FLOT1: variants seen among roughly 807,000 people sequenced by gnomAD.
FLOT1 encodes the protein flotillin-1.
In FLOT1, 40 loss-of-function variants were observed where a neutral mutation model predicts 58.4. That is an observed-to-expected ratio of 0.69 (90% CI 0.53 to 0.89). FLOT1 has a LOEUF of 0.89. FLOT1 is among the 40% of genes least tolerant of loss of function. The pLI is 0.00. For missense variants in FLOT1, 423 were observed against 540.8 expected, an observed-to-expected ratio of 0.78 and a Z score of 2.16; for synonymous variants, 178 against 204.2, an observed-to-expected ratio of 0.87 and a Z score of 1.09.
At position 30,740,604 on chromosome 6, in the gene FLOT1, T is replaced by C; in HGVS notation, c.475-13A>G. On this transcript the variant is annotated splice_polypyrimidine_tract_variant and intron_variant, in intron 6 of 12. Transcript: ENST00000376389. ...AGTGCAAATAGTCCTGTGGGAGAGA[T>C]GTAGAAATTAGTCCTTTGGAGGGCT... 6.2e-7 allele frequency: 1 copy of C among 1,612,986 alleles called. No individual in the cohort carries two copies. Among genetic ancestry groups the C allele is most frequent in the Non-Finnish European group, 8.5e-7 (1 of 1,179,996 alleles).
chr6:30,732,994 A>G (rs897233851), intron 8 of FLOT1, among the ~76,000 whole-genome samples: 5 of 152,116 alleles, frequency 3.3e-5, no homozygotes, highest in African/African-American at 1.2e-4. Flanking sequence ...GAAAGAATAT[A>G]AAGACAATAT....
At chr6:30,731,970 A>C (rs999404387) in intron 8 of FLOT1, among the ~76,000 whole-genome samples, 3 of 151,660 alleles carry the variant, frequency 2.0e-5, no homozygotes, top group South Asian at 2.1e-4. Context: ...ATTTAGGCAG[A>C]TTTCTTTCTT....
Position 30,741,633 on chromosome 6 carries a change from G to A in FLOT1, c.191C>T (p.Ser64Leu), listed in dbSNP as rs1174403746. The change falls in exon 4 of 13, where the codon TCA becomes TTA. Residue 64 changes from serine (S) to leucine (L), a missense_variant. By Grantham distance (145) the Ser-to-Leu change is moderately radical. Around this residue, in one of 6 missense-constraint regions of FLOT1, gnomAD observed 91 missense variants for 118.3 expected, o/e 0.77. Transcript: ENST00000376389. This position sits in a 1 kb window ranked among gnomAD's most constrained non-coding sequence, Gnocchi z 5.9. ...KVYTRHGVPI[S>L]VTGIAQVKIQ... ...CTTCACCTGGGCAATGCCAGTGACT[G>A]AGATGGGGACCCCATGGCGAGTGTA... The A allele has an allele frequency of 6.2e-7, 1 of 1,612,464 alleles. No homozygotes were observed. Among genetic ancestry groups the A allele is most frequent in the Non-Finnish European group, 8.5e-7 (1 of 1,179,648 alleles).
Position 30,742,062 on chromosome 6 carries a change from G to T in FLOT1, c.43+85C>A. On this transcript the variant is annotated intron_variant, in intron 2 of 12. Transcript: ENST00000376389. This position sits in a 1 kb window ranked among gnomAD's most constrained non-coding sequence, Gnocchi z 5.2. ...AGGGGCAGAAGTCTGGTGCTGGGAA[G>T]TTGGTAGGGAGAGGGAGAAGGGGCA... The T allele has an allele frequency of 7.0e-7, 1 of 1,427,298 alleles. No homozygotes were observed. Among genetic ancestry groups the T allele is most frequent in the Non-Finnish European group, 9.8e-7 (1 of 1,016,328 alleles). The allele number at this position is 1,427,298 out of a possible 1,614,324, so 88.4% of individuals were successfully genotyped here.
In FLOT1 at chr6:30,728,882, C is replaced by T. The variant is rs184550405; in HGVS notation, c.1255-737G>A. On this transcript the variant is annotated intron_variant, in intron 12 of 12. Transcript: ENST00000376389. ...CTGCAAGCTCTGCCTCCCAGGTTCA[C>T]ACCATTCTCCTGCCTCAGCCTCCCC... Among the ~76,000 whole-genome samples the T allele has an allele frequency of 8.4e-4, 126 of 150,136 alleles. 2 individuals carry two copies. The highest frequency in any genetic ancestry group is 3.6e-3 in the Middle Eastern group (1 of 276).
intron 8 of FLOT1, among the ~76,000 whole-genome samples, chr6:30,739,329 T>C (rs948972561): frequency 1.3e-5 from 2 of 152,226 alleles, no homozygotes; most frequent in Admixed American, 6.5e-5. Flanking sequence ...TCCAAACATA[T>C]GATCAGCCTT....
chr6:30,735,329 A>G (rs963970143), intron 8 of FLOT1, among the ~76,000 whole-genome samples: 6 of 151,870 alleles, frequency 4.0e-5, no homozygotes, highest in Non-Finnish European at 5.9e-5. Flanking sequence ...TAGACTTCCA[A>G]TGGCAGGTAT....
intron 11 of FLOT1, 67 bp from the exon 12 acceptor site, chr6:30,730,253 C>G: frequency 6.3e-7 from 1 of 1,578,700 alleles, no homozygotes; most frequent in Admixed American, 1.7e-5. Flanking sequence ...ACAACTTACT[C>G]TGGGTTTTAA....
rs376438482 is a variant in FLOT1 at position 30,742,278 on chromosome 6, C to T, written c.-14-75G>A. ...GCGTCCACAGGGGCCCATCCTTTCC[C>T]TTTCCCGTCAGGCCCTCCCAGTCTG... On this transcript the variant is annotated intron_variant, in intron 1 of 12. Coordinates refer to ENST00000376389, the MANE Select transcript of FLOT1 (RefSeq NM_005803.4). The surrounding 1 kb of genome is among the most constrained non-coding windows in gnomAD (Gnocchi z 5.2). 78 of 1,320,842 alleles carry T rather than the reference C, an allele frequency of 5.9e-5. 1 individual carries two copies. The African/African-American group carries it at 8.8e-4, about 15-fold the overall frequency. 81.8% of individuals were successfully genotyped at this position (1,320,842 alleles called of 1,614,324 possible).
chr6:30,730,957 CGCTTCCGCTG>C lies in FLOT1; in HGVS notation c.857_866del (p.Pro286ArgfsTer9). The C allele has an allele frequency of 1.2e-6, 2 of 1,613,942 alleles. No individual in the cohort carries two copies. The highest frequency in any genetic ancestry group is 1.1e-5 in the South Asian group (1 of 91,054). ...CTAGGCGCTCCAGCTTGTAGCGCTC[CGCTTCCGCTG>C]GCTTCCGCACCCGGGCCTCCAGCTC... is the stretch of plus-strand genomic sequence containing the variant. On this transcript the variant is annotated frameshift_variant, in exon 9 of 13. Coordinates refer to ENST00000376389, the MANE Select transcript of FLOT1 (RefSeq NM_005803.4). LOFTEE classifies it high-confidence loss of function.
chr6:30,740,366 T>C lies in FLOT1; in HGVS notation c.571-56A>G, dbSNP rs141218233. The C allele has an allele frequency of 9.5e-3, 15,177 of 1,603,764 alleles. 109 individuals carry two copies. The highest frequency in any genetic ancestry group is 0.032 in the Middle Eastern group (186 of 5,876). ...CAGGGCAGGGGGAGAAAGGCCACGG[T>C]GACAGCCTGCTTCCCACCAAGGTTC... On this transcript the variant is annotated intron_variant, in intron 7 of 12. Transcript: ENST00000376389.
intron 8 of FLOT1, among the ~76,000 whole-genome samples, chr6:30,733,767 T>A (rs1260723753): frequency 1.4e-5 from 2 of 145,802 alleles, no homozygotes; most frequent in African/African-American, 5.0e-5. Flanking sequence ...AAAAGAAAGC[T>A]GGGCTTGATG....
rs1777942699 is a variant in FLOT1 at position 30,741,066 on chromosome 6, C to T, written c.354+124G>A. The T allele has an allele frequency of 7.9e-7, 1 of 1,262,054 alleles. No individual in the cohort carries two copies. The highest frequency in any genetic ancestry group is 1.5e-5 in the African/African-American group (1 of 67,242). The allele number at this position is 1,262,054 out of a possible 1,614,324, so 78.2% of individuals were successfully genotyped here. ...CATCCCAAAGTGCTGGGATTACAGG[C>T]ATGAACCACCCTGCCCGGCCGGGAT... On this transcript the variant is annotated intron_variant, in intron 5 of 12. Coordinates refer to ENST00000376389, the MANE Select transcript of FLOT1 (RefSeq NM_005803.4). The surrounding 1 kb of genome is among the most constrained non-coding windows in gnomAD (Gnocchi z 5.9).
chr6:30,741,912 T>C lies in FLOT1; in HGVS notation c.44-45A>G. 6.4e-7 allele frequency: 1 copy of C among 1,572,600 alleles called. No individual in the cohort carries two copies. The highest frequency in any genetic ancestry group is 8.7e-7 in the Non-Finnish European group (1 of 1,145,610). ...GAGGAACGGTGGCAGAGCTTGAATGTGGAAGACTGAGGAACTGGCGGGGGT... is the reference window on the plus strand; with the variant it reads ...GAGGAACGGTGGCAGAGCTTGAATGCGGAAGACTGAGGAACTGGCGGGGGT... On this transcript the variant is annotated intron_variant, in intron 2 of 12. Transcript: ENST00000376389. This position sits in a 1 kb window ranked among gnomAD's most constrained non-coding sequence, Gnocchi z 5.9.
rs1213305304 is a variant in FLOT1, at chr6:30,740,684, C to A, written c.469G>T (p.Asp157Tyr). Residue 157 changes from aspartate (D) to tyrosine (Y), a missense_variant, in exon 6 of 13, where the codon GAC becomes TAC. Asp to Tyr is a radical substitution (Grantham distance 160). Transcript: ENST00000376389. ...GATCAATTGCCTAGTTTTACCTGGT[C>A]ATCGTGAATGTCCTTCAGAGTGTAG... ...VSYTLKDIHD[D>Y]QDYLHSLGKA... 6.2e-7 allele frequency: 1 copy of A among 1,613,002 alleles called. No homozygotes were observed. The highest frequency in any genetic ancestry group is 1.1e-5 in the South Asian group (1 of 91,074).
In FLOT1 at chr6:30,727,819, AGAC is replaced by A; in HGVS notation, c.*294_*296del. The A allele has an allele frequency of 1.8e-6, 1 of 551,428 alleles. No individual in the cohort carries two copies. 34.2% of individuals were successfully genotyped at this position (551,428 alleles called of 1,614,324 possible). On this transcript the variant is annotated 3_prime_UTR_variant, in exon 13 of 13. Coordinates refer to ENST00000376389, the MANE Select transcript of FLOT1 (RefSeq NM_005803.4). ...TCAGTCTTGGTCAGGAAAATATTCT[AGAC>A]AACAGGCTCAAACAGTCTGATTTAA...
rs1439816821 is a variant in FLOT1 at position 30,742,200 on chromosome 6, G to A, written c.-11C>T. On this transcript the variant is annotated 5_prime_UTR_variant, in exon 2 of 13. Transcript: ENST00000376389. The surrounding 1 kb of genome is among the most constrained non-coding windows in gnomAD (Gnocchi z 5.2). ...ACAAGTGAAAAACATGGTTCAGGCT[G>A]GAGCTGGAGGAGAGGGAGGGAAAGC... 1 of 1,612,846 alleles carries A rather than the reference G, an allele frequency of 6.2e-7. No homozygotes were observed. Among genetic ancestry groups the A allele is most frequent in the African/African-American group, 1.3e-5 (1 of 74,918 alleles).
At chr6:30,738,212 C>A (rs1341178551) in intron 8 of FLOT1, among the ~76,000 whole-genome samples, 1 of 152,180 alleles carries the variant, frequency 6.6e-6, no homozygotes, top group African/African-American at 2.4e-5. Context: ...CCAGGGCCTG[C>A]AATTTTGTAT....
Position 30,740,178 on chromosome 6 carries a change from C to T in FLOT1, c.703G>A (p.Asp235Asn). Residue 235 changes from aspartate (D) to asparagine (N), a missense_variant, in exon 8 of 13, where the codon GAC (aspartate) becomes AAC (asparagine). Physicochemically the swap from Asp to Asn is conservative, Grantham distance 23. Transcript: ENST00000376389. ...IEVNTRRAQA[D>N]LAYQLQVAKT... is the part of the protein sequence containing the mutation. ...CTGACCTGAAGCTGATAGGCCAGGT[C>T]AGCCTGTGCTCGGCGGGTGTTGACC... is the stretch of plus-strand genomic sequence containing the variant. 2.5e-6 allele frequency: 4 copies of T among 1,613,034 alleles called. No individual in the cohort carries two copies. Among genetic ancestry groups the T allele is most frequent in the Non-Finnish European group, 3.4e-6 (4 of 1,180,004 alleles).
Sources: allele counts gnomAD v4.1 joint callset (sites outside exome capture counted in the v4.1 genomes callset), GRCh38; gene constraint gnomAD v4.1.1; regional missense constraint gnomAD v4.1.1; non-coding constraint Gnocchi (gnomAD v3.1); transcripts MANE v1.5; gene names NCBI Gene and HGNC (gene_info 2026-07-23, HGNC 2026-07-21).